Variants in VPS54 observed in about 807,000 individuals in gnomAD.
VPS54 encodes vacuolar protein sorting-associated protein 54.
VPS54 carries 45 observed loss-of-function variants against 121.5 expected under a neutral mutation model. The observed-to-expected ratio is 0.37, with a 90% CI of 0.29 to 0.47. The LOEUF (loss-of-function observed/expected upper bound fraction) is 0.47, where lower values mean the gene tolerates loss of function less well. Ranked by LOEUF, VPS54 falls within the 20% of genes least tolerant of loss-of-function variation. The probability of loss-of-function intolerance (pLI) is 0.99; values close to 1 mark genes in which losing one functional copy is unlikely to be tolerated. For synonymous variants in VPS54, 371 were observed against 385.8 expected, an observed-to-expected ratio of 0.96 and a Z score of 0.45; for missense variants, 1,090 against 1,131.4, an observed-to-expected ratio of 0.96 and a Z score of 0.52.
At chr2:63,903,964 A>G (rs977030684) in intron 20 of VPS54, among the ~76,000 whole-genome samples, 1 of 152,296 alleles carries the variant, frequency 6.6e-6, no homozygotes, top group Admixed American at 6.5e-5. Context: ...AGACTAAGGG[A>G]AAAAAGCAAG....
rs570059132 is a variant in VPS54 at position 63,920,524 on chromosome 2, G to T, written c.1973C>A (p.Thr658Lys). ...GCTCTGAAGTGCTCCAAGTAATGAC[G>T]TGCTTTTTCTTCCACAGATCTGTTC... ...DTEQICGRKS[T>K]SLLGALQSQA... The change falls in exon 14 of 23, where the codon ACG becomes AAG. Residue 658 changes from threonine to lysine, a missense_variant. This residue lies in a region of VPS54 where 289 missense variants were observed against 374.4 expected (regional missense o/e 0.77). Transcript: ENST00000272322. 17 of 1,591,226 alleles carry T rather than the reference G, an allele frequency of 1.1e-5. No individual in the cohort carries two copies. Among genetic ancestry groups the T allele is most frequent in the Non-Finnish European group, 1.4e-5 (16 of 1,169,264 alleles).
intron 1 of VPS54, among the ~76,000 whole-genome samples, chr2:64,001,242 C>A (rs941139065): frequency 6.6e-6 from 1 of 152,184 alleles, no homozygotes; most frequent in Non-Finnish European, 1.5e-5. Context: ...GTGGTGAAGG[C>A]TGCCAGGCCT....
intron 3 of VPS54, among the ~76,000 whole-genome samples, chr2:63,976,103 T>G (rs549958939): frequency 6.6e-6 from 1 of 152,166 alleles, no homozygotes; most frequent in South Asian, 2.1e-4. Flanking sequence ...AAATAATGAA[T>G]AGCCAACACG....
intron 1 of VPS54, among the ~76,000 whole-genome samples, chr2:64,000,421 A>C (rs1677816439): frequency 1.3e-5 from 2 of 152,298 alleles, no homozygotes; most frequent in African/African-American, 4.8e-5. Flanking sequence ...TGGAGAGGTC[A>C]TATTTTCCTG....
At chr2:63,955,024 A>G (rs1428077085) in intron 7 of VPS54, among the ~76,000 whole-genome samples, 1 of 152,038 alleles carries the variant, frequency 6.6e-6, no homozygotes, top group African/African-American at 2.4e-5. Context: ...AACACTGACT[A>G]GCTATATTTG....
At chr2:63,937,614 C>T (rs779522085) in intron 11 of VPS54, among the ~76,000 whole-genome samples, 3 of 151,982 alleles carry the variant, frequency 2.0e-5, no homozygotes, top group South Asian at 2.1e-4. Context: ...ATAGGATGAC[C>T]GTATGATCCA....
intron 1 of VPS54, among the ~76,000 whole-genome samples, chr2:63,992,138 C>T (rs972585168): frequency 5.9e-5 from 9 of 152,086 alleles, no homozygotes; most frequent in South Asian, 2.1e-4. Flanking sequence ...CCATTCCGGC[C>T]GGTGACTCAA....
At position 63,931,292 on chromosome 2, in the gene VPS54, G is replaced by A. The variant is rs137995584; in HGVS notation, c.1739+2381C>T. Among the ~76,000 whole-genome samples the A allele has an allele frequency of 7.8e-3, 1,192 of 152,146 alleles. 4 individuals are homozygous for A. The highest frequency in any genetic ancestry group is 0.013 in the South Asian group (63 of 4,802). ...ACAATAATCAAAACAACATGATACCGGTACCAAAACAGATATATAGACCAA... is the reference window on the plus strand; with the variant it reads ...ACAATAATCAAAACAACATGATACCAGTACCAAAACAGATATATAGACCAA... On this transcript the variant is annotated intron_variant, in intron 12 of 22. Transcript: ENST00000272322.
chr2:63,915,714 T>A lies in VPS54; in HGVS notation c.2228+1186A>T, dbSNP rs1383033111. Among the ~76,000 whole-genome samples the A allele has an allele frequency of 2.0e-5, 3 of 152,314 alleles. No individual in the cohort carries two copies. In the East Asian group the frequency reaches 5.8e-4, roughly 29 times the overall value. ...ATTACAGGAAGACTGAAGAAAGCTTTCCCTACCAGAAACAGGGAAGGACTT... is the reference window on the plus strand; with the variant it reads ...ATTACAGGAAGACTGAAGAAAGCTTACCCTACCAGAAACAGGGAAGGACTT... On this transcript the variant is annotated intron_variant, in intron 16 of 22. Coordinates refer to ENST00000272322, the MANE Select transcript of VPS54 (RefSeq NM_016516.3).
chr2:63,930,527 G>C (rs1321766607), intron 12 of VPS54, among the ~76,000 whole-genome samples: 2 of 152,096 alleles, frequency 1.3e-5, no homozygotes, highest in East Asian at 3.8e-4. Flanking sequence ...AATAGTAAGA[G>C]CTATTTATGA....
chr2:63,948,414 G>GTTTTTTTTTT (rs560700373), intron 8 of VPS54, among the ~76,000 whole-genome samples: 1 of 106,130 alleles, frequency 9.4e-6, no homozygotes, highest in Non-Finnish European at 1.8e-5. Flanking sequence ...CACTTTTTCG[G>GTTTTTTTTTT]TTTTTTTTTT....
At chr2:63,951,655 T>A (rs1294677444) in intron 7 of VPS54, among the ~76,000 whole-genome samples, 1 of 152,198 alleles carries the variant, frequency 6.6e-6, no homozygotes, top group Non-Finnish European at 1.5e-5. Context: ...ACTTTTTAAA[T>A]AGTGCTGTGT....
At chr2:63,913,406 CTCAT>C (rs1673239066) in intron 17 of VPS54, 96 bp from the exon 18 acceptor site, 10 of 782,260 alleles carry the variant, frequency 1.3e-5, no homozygotes, top group South Asian at 2.1e-5. Flanking sequence ...CCCCTTTCCT[CTCAT>C]TCAATGGCCA....
At chr2:63,899,453 G>C in intron 21 of VPS54, 21 bp downstream of exon 21, 1 of 1,602,378 alleles carries the variant, frequency 6.2e-7, no homozygotes, top group Non-Finnish European at 8.5e-7. Flanking sequence ...TACATGAATA[G>C]TTTTAGGAAT....
intron 22 of VPS54, among the ~76,000 whole-genome samples, chr2:63,895,949 A>G (rs1672427927): frequency 6.6e-6 from 1 of 152,196 alleles, no homozygotes; most frequent in Non-Finnish European, 1.5e-5. Flanking sequence ...TAGTTATGGG[A>G]ATAAAAGTAA....
At position 63,949,083 on chromosome 2, in the gene VPS54, C is replaced by T; in HGVS notation, c.1091G>A (p.Ser364Asn). 6.2e-7 allele frequency: 1 copy of T among 1,611,756 alleles called. No homozygotes were observed. The highest frequency in any genetic ancestry group is 1.1e-5 in the South Asian group (1 of 90,792). ...ATCTTCCAGTGGTCTATTTAAGTCA[C>T]TGTGAGAATAAGTAGAAAATTCTGC... Reference protein sequence around the residue: ...MIAEFSTYSHSDLNRPLEDDC... With the variant: ...MIAEFSTYSHNDLNRPLEDDC... The change falls in exon 8 of 23, where the codon AGT becomes AAT. Residue 364 changes from serine to asparagine, a missense_variant. By Grantham distance (46) the Ser-to-Asn change is conservative (BLOSUM62 1). This residue lies in a region of VPS54 where 801 missense variants were observed against 757.0 expected (regional missense o/e 1.06). Transcript: ENST00000272322.
At chr2:63,916,782 C>T (rs1673398484) in intron 16 of VPS54, 118 bp downstream of exon 16, 6 of 903,684 alleles carry the variant, frequency 6.6e-6, no homozygotes, top group Non-Finnish European at 1.0e-5. Flanking sequence ...AACAGTTAAT[C>T]CAAATTTAAC....
chr2:63,966,883 C>T (rs1458521602), intron 5 of VPS54, among the ~76,000 whole-genome samples: 1 of 152,190 alleles, frequency 6.6e-6, no homozygotes, highest in African/African-American at 2.4e-5. Context: ...TACATACATA[C>T]TTCTGGCCTA....
At chr2:64,017,440 C>T (rs1033487969) in intron 1 of VPS54, among the ~76,000 whole-genome samples, 5 of 151,740 alleles carry the variant, frequency 3.3e-5, no homozygotes, top group African/African-American at 1.2e-4. Context: ...AATTCTGACA[C>T]AAAAAATTAT....
Sources: gnomAD v4.1 joint callset for allele counts (sites outside exome capture counted in the v4.1 genomes callset) on GRCh38, gnomAD v4.1.1 for gene constraint, gnomAD v4.1.1 regional missense constraint, MANE v1.5 for transcripts, NCBI Gene and HGNC (gene_info 2026-07-23, HGNC 2026-07-21) for gene names.